TRHDE: variants seen among roughly 807,000 people sequenced by gnomAD.
TRHDE encodes thyrotropin-releasing hormone-degrading ectoenzyme.
In TRHDE, 72 loss-of-function variants were observed where a neutral mutation model predicts 125.7. The observed-to-expected ratio is 0.57, with a 90% CI of 0.47 to 0.70. The LOEUF (loss-of-function observed/expected upper bound fraction) is 0.70, where lower values mean the gene tolerates loss of function less well. Among genes scored for constraint, TRHDE ranks in the 30% least tolerant of loss-of-function variants. TRHDE has a pLI of 0.00. For synonymous variants in TRHDE, 509 were observed against 509.1 expected, an observed-to-expected ratio of 1.00 and a Z score of 0.00; for missense variants, 1,110 against 1,327.1, an observed-to-expected ratio of 0.84 and a Z score of 2.54.
intron 15 of TRHDE, among the ~76,000 whole-genome samples, chr12:72,626,587 T>C (rs905305058): frequency 1.3e-5 from 2 of 151,926 alleles, no homozygotes; most frequent in African/African-American, 2.4e-5. Flanking sequence ...CCTTTTCCCC[T>C]ATTTTGAAGA....
At chr12:72,611,533 C>A (rs1872634457) in intron 12 of TRHDE, among the ~76,000 whole-genome samples, 2 of 152,282 alleles carry the variant, frequency 1.3e-5, no homozygotes, top group African/African-American at 2.4e-5. Flanking sequence ...GCACTTTCAA[C>A]TTCTACTGGC....
At chr12:72,597,097 C>G (rs1157126650) in intron 12 of TRHDE, among the ~76,000 whole-genome samples, 1 of 152,036 alleles carries the variant, frequency 6.6e-6, no homozygotes, top group African/African-American at 2.4e-5. Flanking sequence ...CCAGTTTTAA[C>G]CATATTTGAA....
intron 7 of TRHDE, among the ~76,000 whole-genome samples, chr12:72,554,128 G>C (rs1869810812): frequency 6.6e-6 from 1 of 152,026 alleles, no homozygotes; most frequent in Non-Finnish European, 1.5e-5. Flanking sequence ...GATTACAGGA[G>C]TGAGCCACCG....
At chr12:72,631,879 A>C (rs531638427) in intron 15 of TRHDE, among the ~76,000 whole-genome samples, 2 of 152,086 alleles carry the variant, frequency 1.3e-5, no homozygotes, top group African/African-American at 4.8e-5. Context: ...AGTCTGAGGA[A>C]TCAGCCTTGT....
chr12:72,139,753 T>A (rs1254892427), intron 2 of TRHDE, among the ~76,000 whole-genome samples: 1 of 152,114 alleles, frequency 6.6e-6, no homozygotes, highest in Non-Finnish European at 1.5e-5. Flanking sequence ...AAATCAAAAA[T>A]AAAATTCTAA....
chr12:72,519,329 C>A (rs181601180), intron 6 of TRHDE, among the ~76,000 whole-genome samples: 18 of 152,178 alleles, frequency 1.2e-4, no homozygotes, highest in African/African-American at 2.2e-4. Context: ...TATTTCTTGG[C>A]GGCTTTACTC....
At chr12:72,533,388 T>C (rs573971826) in intron 6 of TRHDE, among the ~76,000 whole-genome samples, 1 of 152,224 alleles carries the variant, frequency 6.6e-6, no homozygotes, top group South Asian at 2.1e-4. Flanking sequence ...TTGGCCAAGA[T>C]GTTCTCGATT....
intron 2 of TRHDE, among the ~76,000 whole-genome samples, chr12:72,151,783 G>C (rs1390195279): frequency 1.3e-5 from 2 of 152,148 alleles, no homozygotes; most frequent in Non-Finnish European, 2.9e-5. Flanking sequence ...GTACCATGCT[G>C]TTTTGGTTAC....
chr12:72,286,726 A>G lies in TRHDE; in HGVS notation c.960A>G (p.Ala320=). 1 of 1,613,948 alleles carries G rather than the reference A, an allele frequency of 6.2e-7. No individual in the cohort carries two copies. ...TTTCGCCTACACATGCCAGAAAGGC[A>G]TTTCCTTGTTTTGATGAGCCAATCT... ...TQFSPTHARK[A]FPCFDEPIYK... is the part of the protein sequence containing the mutation. The change falls in exon 2 of 19, where the codon GCA becomes GCG. Residue 320 remains alanine, a synonymous_variant. Transcript: ENST00000261180.
chr12:72,271,214 T>TTATTTTAGCAA (rs2139402189), upstream of TRHDE, among the ~76,000 whole-genome samples: 1 of 152,342 alleles, frequency 6.6e-6, no homozygotes, highest in South Asian at 2.1e-4. Context: ...ATTGCTAACA[T>TTATTTTAGCAA]TATTTTAGTA....
chr12:72,389,839 T>G (rs1872558418), intron 3 of TRHDE, among the ~76,000 whole-genome samples: 1 of 152,294 alleles, frequency 6.6e-6, no homozygotes, highest in Admixed American at 6.5e-5. Flanking sequence ...GGCTGCCTCA[T>G]GTAGAACAGA....
chr12:72,451,072 C>T (rs942056252), intron 3 of TRHDE, among the ~76,000 whole-genome samples: 10 of 151,964 alleles, frequency 6.6e-5, no homozygotes, highest in African/African-American at 2.2e-4. Context: ...TATTTTCTCC[C>T]GTTCTTTACT....
At chr12:72,623,541 G>A (rs746730460) in intron 15 of TRHDE, among the ~76,000 whole-genome samples, 29 of 152,104 alleles carry the variant, frequency 1.9e-4, no homozygotes, top group Non-Finnish European at 4.1e-4. Context: ...AGTACCATCT[G>A]GTAGCTGGAA....
intron 5 of TRHDE, among the ~76,000 whole-genome samples, chr12:72,473,917 A>AT (rs1168773639): frequency 2.6e-5 from 4 of 152,088 alleles, no homozygotes. Context: ...AAGTGGTACT[A>AT]TTAAATTAAG....
rs965386730 is a variant in TRHDE, at chr12:72,666,588, G to A, written c.*3393G>A. On this transcript the variant is annotated 3_prime_UTR_variant, in exon 19 of 19. Coordinates refer to ENST00000261180, the MANE Select transcript of TRHDE (RefSeq NM_013381.3). ...AAATCACAATGTTTGTTGTTATTTT[G>A]GGAACCAATATAACAACCTAAGTCT... The A allele has an allele frequency of 7.2e-5, 11 of 151,832 alleles. No individual in the cohort carries two copies. The highest frequency in any genetic ancestry group is 1.3e-4 in the Non-Finnish European group (9 of 67,944). The allele number at this position is 151,832 out of a possible 1,614,324, so 9.4% of individuals were successfully genotyped here.
chr12:72,210,847 T>C (rs535197166), intron 2 of TRHDE, among the ~76,000 whole-genome samples: 1 of 152,334 alleles, frequency 6.6e-6, no homozygotes, highest in African/African-American at 2.4e-5. Context: ...CCTTTTTCTT[T>C]CAACTATTTT....
At chr12:72,157,890 A>C (rs988439484) in intron 2 of TRHDE, among the ~76,000 whole-genome samples, 2 of 152,154 alleles carry the variant, frequency 1.3e-5, no homozygotes, top group African/African-American at 4.8e-5. Flanking sequence ...AAAAGAGAAG[A>C]ACATTGAGAA....
intron 6 of TRHDE, among the ~76,000 whole-genome samples, chr12:72,525,555 G>A (rs2135967601): frequency 6.6e-6 from 1 of 151,152 alleles, no homozygotes; most frequent in African/African-American, 2.4e-5. Flanking sequence ...ATAATCACAA[G>A]AAGCCTTGAA....
chr12:72,349,623 C>T (rs1052877886), intron 2 of TRHDE, among the ~76,000 whole-genome samples: 2 of 152,048 alleles, frequency 1.3e-5, no homozygotes, highest in Admixed American at 6.6e-5. Context: ...ACCCTACTGA[C>T]TTTACACTGA....
Sources: allele counts gnomAD v4.1 joint callset (sites outside exome capture counted in the v4.1 genomes callset), GRCh38; gene constraint gnomAD v4.1.1; transcripts MANE v1.5; gene names NCBI Gene and HGNC (gene_info 2026-07-23, HGNC 2026-07-21).